Variants in PLPPR5 observed in about 807,000 individuals in gnomAD.
PLPPR5 encodes phospholipid phosphatase-related protein type 5.
In PLPPR5, 16 loss-of-function variants were observed where a neutral mutation model predicts 33.9. That is an observed-to-expected ratio of 0.47 (90% CI 0.32 to 0.72). The LOEUF (loss-of-function observed/expected upper bound fraction) is 0.72. PLPPR5 is among the 30% of genes least tolerant of loss of function. The pLI, the probability that PLPPR5 is intolerant of heterozygous loss-of-function variation, is 0.03. For missense variants in PLPPR5, 301 were observed against 406.7 expected (o/e 0.74, Z 2.23); for synonymous variants, 163 against 150.3 (o/e 1.08, Z -0.62).
In PLPPR5 at chr1:98,890,453, A is replaced by T. The variant is rs1648233796; in HGVS notation, c.*2619T>A. ...AAAGAAGATTCACCTCTCTTTTAAC[A>T]TAAAAGAGCCTTTTAAGTTATCACA... On this transcript the variant is annotated 3_prime_UTR_variant, in exon 6 of 6. Coordinates refer to ENST00000263177, the MANE Select transcript of PLPPR5 (RefSeq NM_001037317.2). The T allele has an allele frequency of 6.6e-6, 1 of 152,538 alleles. No individual in the cohort carries two copies. Among genetic ancestry groups the T allele is most frequent in the South Asian group, 2.1e-4 (1 of 4,834 alleles). The allele number at this position is 152,538 out of a possible 1,614,324, so 9.4% of individuals were successfully genotyped here. A position where few individuals can be genotyped will look rare whatever the true frequency, so the allele number is the denominator to read the frequency against.
At chr1:98,955,261 C>T (rs1472842249) in intron 2 of PLPPR5, among the ~76,000 whole-genome samples, 2 of 152,058 alleles carry the variant, frequency 1.3e-5, no homozygotes, top group Non-Finnish European at 2.9e-5. Flanking sequence ...CATGCAGAGA[C>T]TTAAAAGCAT....
chr1:98,992,061 T>G (rs993670497), intron 1 of PLPPR5, among the ~76,000 whole-genome samples: 2 of 152,166 alleles, frequency 1.3e-5, no homozygotes, highest in Non-Finnish European at 2.9e-5. Context: ...TACAGGAGTT[T>G]ATAGAAAAGA....
At chr1:98,895,468 T>C (rs1256062130) in intron 5 of PLPPR5, among the ~76,000 whole-genome samples, 1 of 152,006 alleles carries the variant, frequency 6.6e-6, no homozygotes, top group Admixed American at 6.6e-5. Flanking sequence ...GGATGTATAA[T>C]TGTAGGTGAG....
At chr1:98,982,202 T>C (rs943900556) in intron 1 of PLPPR5, among the ~76,000 whole-genome samples, 7 of 152,042 alleles carry the variant, frequency 4.6e-5, no homozygotes, top group South Asian at 2.1e-4. Context: ...GTGTTCTAAT[T>C]TTATCATATA....
At chr1:98,903,315 C>T (rs1475568989) in intron 5 of PLPPR5, among the ~76,000 whole-genome samples, 1 of 152,010 alleles carries the variant, frequency 6.6e-6, no homozygotes, top group Admixed American at 6.6e-5. Flanking sequence ...TCCTATATAA[C>T]ATTTATATTA....
Position 98,914,864 on chromosome 1 carries a change from G to A in PLPPR5, c.855C>T (p.His285=). 1.2e-6 allele frequency: 2 copies of A among 1,612,970 alleles called. No individual in the cohort carries two copies. Among genetic ancestry groups the A allele is most frequent in the Non-Finnish European group, 1.7e-6 (2 of 1,179,616 alleles). The part of the protein sequence containing the change: ...KGRQAENEHI[H]MDNLAQMPMI... Reference sequence around the variant, plus strand: ...TTGGCATCTGTGCCAGATTATCCATGTGTATATGCTCATTTTCTGCTTGTC... The same window carrying A: ...TTGGCATCTGTGCCAGATTATCCATATGTATATGCTCATTTTCTGCTTGTC... The change falls in exon 5 of 6, where the codon CAC becomes CAT. Residue 285 remains histidine, a synonymous_variant. Transcript: ENST00000263177.
chr1:99,004,231 G>C (rs1012574055), intron 1 of PLPPR5: 7 of 561,248 alleles, frequency 1.2e-5, no homozygotes, highest in Non-Finnish European at 2.2e-5. Context: ...GGTGTGGGGG[G>C]GTGACGTGTG....
chr1:98,989,271 T>C (rs920520555), intron 1 of PLPPR5, among the ~76,000 whole-genome samples: 1 of 152,120 alleles, frequency 6.6e-6, no homozygotes, highest in Non-Finnish European at 1.5e-5. Context: ...AAGAAACATA[T>C]TCCAAACTCT....
chr1:98,952,924 C>G, intron 3 of PLPPR5, 146 bp downstream of exon 3: 1 of 938,990 alleles, frequency 1.1e-6, no homozygotes, highest in Non-Finnish European at 1.5e-6. Context: ...GTACAAACAG[C>G]TATTATTAAA....
chr1:98,931,427 G>T (rs1292258291), intron 3 of PLPPR5, among the ~76,000 whole-genome samples: 1 of 152,122 alleles, frequency 6.6e-6, no homozygotes, highest in African/African-American at 2.4e-5. Flanking sequence ...ACACAGAAAG[G>T]TTAAGTAACT....
intron 5 of PLPPR5, among the ~76,000 whole-genome samples, chr1:98,899,499 A>T (rs993199993): frequency 1.3e-5 from 2 of 152,188 alleles, no homozygotes; most frequent in Non-Finnish European, 2.9e-5. Context: ...CTGGCAAAAG[A>T]GTATTGCTTA....
chr1:98,978,309 T>C (rs1025875306), intron 1 of PLPPR5, among the ~76,000 whole-genome samples: 1 of 152,068 alleles, frequency 6.6e-6, no homozygotes, highest in Non-Finnish European at 1.5e-5. Flanking sequence ...ACATTTTCAA[T>C]TGGTCTCGCA....
At chr1:98,993,662 A>C (rs962989179) in intron 1 of PLPPR5, among the ~76,000 whole-genome samples, 1 of 152,096 alleles carries the variant, frequency 6.6e-6, no homozygotes, top group Non-Finnish European at 1.5e-5. Context: ...CAAGTGCATT[A>C]TCTCTATCCA....
chr1:98,975,167 C>T (rs780899608), intron 1 of PLPPR5, among the ~76,000 whole-genome samples: 1 of 152,082 alleles, frequency 6.6e-6, no homozygotes, highest in African/African-American at 2.4e-5. Flanking sequence ...CCCTTCTATG[C>T]CTTGACTGCG....
chr1:98,999,866 G>T (rs1339107925), intron 1 of PLPPR5, among the ~76,000 whole-genome samples: 2 of 152,192 alleles, frequency 1.3e-5, no homozygotes, highest in Admixed American at 6.5e-5. Context: ...AATAATCTGA[G>T]ATGTACCTTA....
chr1:98,898,881 C>G (rs900154541), intron 5 of PLPPR5, among the ~76,000 whole-genome samples: 1 of 152,094 alleles, frequency 6.6e-6, no homozygotes, highest in Non-Finnish European at 1.5e-5. Flanking sequence ...CAGCTACCTT[C>G]TAAAAGAATC....
At chr1:98,972,305 A>G (rs954126313) in intron 1 of PLPPR5, among the ~76,000 whole-genome samples, 2 of 152,150 alleles carry the variant, frequency 1.3e-5, no homozygotes, top group Non-Finnish European at 2.9e-5. Flanking sequence ...ACAAATACTT[A>G]GACATTGCCT....
chr1:98,911,122 A>C (rs1377747814), intron 5 of PLPPR5, among the ~76,000 whole-genome samples: 1 of 152,152 alleles, frequency 6.6e-6, no homozygotes, highest in East Asian at 1.9e-4. Flanking sequence ...TATTCTCAGC[A>C]CCTGGCCTTG....
At chr1:98,935,988 G>T (rs1018245748) in intron 3 of PLPPR5, among the ~76,000 whole-genome samples, 6 of 152,106 alleles carry the variant, frequency 3.9e-5, no homozygotes, top group African/African-American at 7.2e-5. Context: ...TGGCTGCAAG[G>T]GGGAGGCAAT....
Sources: allele counts gnomAD v4.1 joint callset (sites outside exome capture counted in the v4.1 genomes callset), GRCh38; gene constraint gnomAD v4.1.1; transcripts MANE v1.5; gene names NCBI Gene and HGNC (gene_info 2026-07-23, HGNC 2026-07-21).